Variants in TRAPPC9 observed in about 807,000 individuals in gnomAD.
TRAPPC9 encodes IKK2 binding protein.
Under a neutral mutation model 124.0 loss-of-function variants are expected in TRAPPC9, and 83 were observed. The observed-to-expected ratio is 0.67, with a 90% CI of 0.56 to 0.80. The LOEUF (loss-of-function observed/expected upper bound fraction) is 0.80, where lower values mean the gene tolerates loss of function less well. Ranked by LOEUF, TRAPPC9 falls within the 30% of genes least tolerant of loss-of-function variation. The pLI is 0.00. For missense variants in TRAPPC9, 1,302 were observed against 1,508.3 expected, an observed-to-expected ratio of 0.86 and a Z score of 2.27; for synonymous variants, 638 against 617.5, an observed-to-expected ratio of 1.03 and a Z score of -0.49.
intron 9 of TRAPPC9, among the ~76,000 whole-genome samples, chr8:140,328,405 T>C (rs1563948843): frequency 6.6e-6 from 1 of 152,130 alleles, no homozygotes. Context: ...GTGTCAGATG[T>C]GGTGTAAGGT....
At chr8:140,316,334 T>C (rs2066442834) in intron 9 of TRAPPC9, among the ~76,000 whole-genome samples, 1 of 152,234 alleles carries the variant, frequency 6.6e-6, no homozygotes, top group African/African-American at 2.4e-5. Flanking sequence ...TTAACAGCTT[T>C]TAATGATTGA....
chr8:139,953,746 C>T (rs10092820), intron 19 of TRAPPC9, among the ~76,000 whole-genome samples: 45,670 of 151,970 alleles, frequency 0.3, 7,210 homozygotes, highest in East Asian at 0.63. Context: ...AATAAAGGGC[C>T]TGAACACATA....
chr8:140,037,802 AACAC>A (rs112960316), intron 17 of TRAPPC9, among the ~76,000 whole-genome samples: 7 of 140,738 alleles, frequency 5.0e-5, no homozygotes, highest in Admixed American at 7.2e-5. Context: ...ACGCACACCC[AACAC>A]ACACACAGAT....
At chr8:139,985,720 T>C (rs1563666353) in intron 19 of TRAPPC9, among the ~76,000 whole-genome samples, 1 of 152,174 alleles carries the variant, frequency 6.6e-6, no homozygotes, top group Non-Finnish European at 1.5e-5. Flanking sequence ...AGGGCCTGGC[T>C]TGACATTCAT....
intron 21 of TRAPPC9, among the ~76,000 whole-genome samples, chr8:139,814,179 A>T (rs940804814): frequency 1.3e-5 from 2 of 152,234 alleles, no homozygotes; most frequent in African/African-American, 4.8e-5. Flanking sequence ...TCCGCGAGGC[A>T]GGCGGTGGGC....
At chr8:140,434,162 C>T (rs1324500548) in intron 4 of TRAPPC9, among the ~76,000 whole-genome samples, 3 of 152,196 alleles carry the variant, frequency 2.0e-5, no homozygotes, top group Non-Finnish European at 2.9e-5. Flanking sequence ...GATTCTGTAT[C>T]CGTGCCCTTG....
At chr8:140,224,223 A>G (rs1413436852) in intron 16 of TRAPPC9, among the ~76,000 whole-genome samples, 1 of 152,198 alleles carries the variant, frequency 6.6e-6, no homozygotes, top group Admixed American at 6.5e-5. Flanking sequence ...TCTACTCCTC[A>G]TAACAAGCTA....
chr8:139,936,793 G>A (rs1299705266), intron 19 of TRAPPC9, among the ~76,000 whole-genome samples: 3 of 124,914 alleles, frequency 2.4e-5, no homozygotes, highest in Non-Finnish European at 4.9e-5. Flanking sequence ...AGAGAGTGGG[G>A]AGTGGGCACT....
At chr8:140,342,256 A>G (rs552814166) in intron 9 of TRAPPC9, among the ~76,000 whole-genome samples, 1 of 152,286 alleles carries the variant, frequency 6.6e-6, no homozygotes, top group African/African-American at 2.4e-5. Context: ...GTCCCTTTCG[A>G]TACCACCCTG....
intron 9 of TRAPPC9, among the ~76,000 whole-genome samples, chr8:140,340,711 A>G (rs865960062): frequency 6.6e-6 from 1 of 152,200 alleles, no homozygotes; most frequent in African/African-American, 2.4e-5. Flanking sequence ...CACAGCCCCT[A>G]CTGTCCTCTG....
At chr8:140,347,002 G>A (rs2067368037) in intron 9 of TRAPPC9, among the ~76,000 whole-genome samples, 1 of 152,176 alleles carries the variant, frequency 6.6e-6, no homozygotes, top group African/African-American at 2.4e-5. Flanking sequence ...CGGTTCCGGG[G>A]CCCAGGGCAG....
intron 19 of TRAPPC9, among the ~76,000 whole-genome samples, chr8:139,919,601 T>C (rs906164291): frequency 5.9e-5 from 9 of 152,310 alleles, no homozygotes; most frequent in African/African-American, 2.2e-4. Context: ...TTTGTGAAGG[T>C]ATAAAATGCA....
intron 19 of TRAPPC9, among the ~76,000 whole-genome samples, chr8:139,934,497 A>C (rs1833390462): frequency 6.6e-6 from 1 of 152,222 alleles, no homozygotes; most frequent in African/African-American, 2.4e-5. Flanking sequence ...TGCACTGCTG[A>C]CTGGCTTTCC....
intron 13 of TRAPPC9, 82 bp from the exon 14 acceptor site, chr8:140,284,103 G>A (rs544722108): frequency 3.6e-5 from 57 of 1,579,576 alleles, no homozygotes; most frequent in South Asian, 1.4e-4. Flanking sequence ...CGAAGAGTAC[G>A]GGGCTCCTCT....
intron 18 of TRAPPC9, among the ~76,000 whole-genome samples, chr8:139,990,655 C>T (rs547998590): frequency 2.6e-5 from 4 of 152,066 alleles, no homozygotes; most frequent in South Asian, 2.1e-4. Context: ...GGCACAATCT[C>T]GGCTCACTGC....
chr8:140,248,636 T>C lies in TRAPPC9; in HGVS notation c.2431+4141A>G, dbSNP rs544719249. On this transcript the variant is annotated intron_variant, in intron 16 of 22. Coordinates refer to ENST00000438773, the MANE Select transcript of TRAPPC9 (RefSeq NM_001160372.4). Reference sequence around the variant, plus strand: ...TCAGTCTGTTTGACTGAATAGTTCATATATTCAAAACCTAAGACAGTTTGC... The same window carrying C: ...TCAGTCTGTTTGACTGAATAGTTCACATATTCAAAACCTAAGACAGTTTGC... Among the ~76,000 whole-genome samples, 28 of 152,360 alleles carry C rather than the reference T, an allele frequency of 1.8e-4. No homozygotes were observed. The East Asian group carries it at 2.5e-3, about 14-fold the overall frequency.
intron 17 of TRAPPC9, among the ~76,000 whole-genome samples, chr8:140,178,520 A>T (rs180714355): frequency 1.3e-5 from 2 of 152,126 alleles, no homozygotes; most frequent in Admixed American, 1.3e-4. Flanking sequence ...TAAATATATC[A>T]TTGGATTCCA....
intron 20 of TRAPPC9, among the ~76,000 whole-genome samples, chr8:139,888,194 G>A (rs570602092): frequency 1.6e-4 from 25 of 152,370 alleles, no homozygotes; most frequent in African/African-American, 5.8e-4. Flanking sequence ...GGCCGGCAGA[G>A]ATGCCCTGGC....
At position 140,405,662 on chromosome 8, in the gene TRAPPC9, C is replaced by G. The variant is rs2132432375; in HGVS notation, c.923G>C (p.Ser308Thr). 1.9e-6 allele frequency: 3 copies of G among 1,614,166 alleles called. No homozygotes were observed. Among genetic ancestry groups the G allele is most frequent in the Non-Finnish European group, 2.5e-6 (3 of 1,180,020 alleles). The change falls in exon 6 of 23, where the codon AGT (serine) becomes ACT (threonine). Residue 308 changes from serine (S) to threonine (T), a missense_variant. Ser to Thr is a moderately conservative substitution (Grantham distance 58). This residue lies in a region of TRAPPC9 where 657 missense variants were observed against 811.2 expected (regional missense o/e 0.81). Transcript: ENST00000438773. The part of the protein sequence containing the change: ...LTTNGINPDT[S>T]TEIGRAKNCL... ...GTTCTTAGCACGTCCGATCTCAGTA[C>G]TGGTGTCAGGGTTGATGCCATTGGT...
Sources: gnomAD v4.1 joint callset for allele counts (sites outside exome capture counted in the v4.1 genomes callset) on GRCh38, gnomAD v4.1.1 for gene constraint, gnomAD v4.1.1 regional missense constraint, MANE v1.5 for transcripts, NCBI Gene and HGNC (gene_info 2026-07-23, HGNC 2026-07-21) for gene names.